PRDM2: variants seen among roughly 807,000 people sequenced by gnomAD.
PRDM2 encodes PR domain zinc finger protein 2.
In PRDM2, 30 loss-of-function variants were observed where a neutral mutation model predicts 130.0. That is an observed-to-expected ratio of 0.23 (90% confidence interval 0.17 to 0.31). The LOEUF (loss-of-function observed/expected upper bound fraction) is 0.31, where lower values mean the gene tolerates loss of function less well. Ranked by LOEUF, PRDM2 falls within the 10% of genes least tolerant of loss-of-function variation. The pLI is 1.00. For synonymous variants in PRDM2, 871 were observed against 782.4 expected (o/e 1.11, Z -1.89); for missense variants, 2,011 against 2,108.4 (o/e 0.95, Z 0.90).
At chr1:13,805,453 G>A (rs1378623656) in intron 8 of PRDM2, among the ~76,000 whole-genome samples, 2 of 152,114 alleles carry the variant, frequency 1.3e-5, no homozygotes, top group African/African-American at 4.8e-5. Context: ...AAGCACGTGG[G>A]CCTTCCCACT....
chr1:13,741,719 T>TG (rs1453893375), intron 4 of PRDM2, among the ~76,000 whole-genome samples: 10 of 131,934 alleles, frequency 7.6e-5, no homozygotes, highest in South Asian at 2.8e-4. Flanking sequence ...GCTCTTTAAG[T>TG]TTGTGTGTGT....
chr1:13,740,470 A>G (rs1465518688), intron 4 of PRDM2, among the ~76,000 whole-genome samples: 2 of 152,196 alleles, frequency 1.3e-5, no homozygotes, highest in East Asian at 3.8e-4. Flanking sequence ...CTTGGTGCCT[A>G]TGATGATTAA....
At chr1:13,814,012 T>C (rs991842621) in intron 8 of PRDM2, among the ~76,000 whole-genome samples, 12 of 152,198 alleles carry the variant, frequency 7.9e-5, no homozygotes, top group South Asian at 4.1e-4. Context: ...CTCCAAAGCT[T>C]CTGCTGGTCT....
At chr1:13,754,518 G>A (rs1332029510) in intron 6 of PRDM2, among the ~76,000 whole-genome samples, 2 of 152,182 alleles carry the variant, frequency 1.3e-5, no homozygotes, top group East Asian at 3.8e-4. Context: ...ATAATGTGGA[G>A]CTTTTTGTCC....
At chr1:13,742,475 T>TA (rs1274354916) in intron 5 of PRDM2, among the ~76,000 whole-genome samples, 15 of 152,204 alleles carry the variant, frequency 9.9e-5, no homozygotes, top group Non-Finnish European at 1.6e-4. Flanking sequence ...GTGCTGGGAT[T>TA]ACCGGCACAA....
rs1411508201 is a variant in PRDM2 at position 13,708,514 on chromosome 1, G to A, written c.-65-7027G>A. Among the ~76,000 whole-genome samples the A allele has an allele frequency of 3.9e-5, 6 of 152,106 alleles. No individual in the cohort carries two copies. The East Asian group carries it at 7.7e-4, about 20-fold the overall frequency. On this transcript the variant is annotated intron_variant, in intron 1 of 9. Transcript: ENST00000311066. Reference sequence around the variant, plus strand: ...GAAACTGTGTTATTAGTATCAGATCGTCCCACCTGGAGTAAACTCGATACA... The same window carrying A: ...GAAACTGTGTTATTAGTATCAGATCATCCCACCTGGAGTAAACTCGATACA...
At chr1:13,772,262 A>G (rs1290993431) in intron 6 of PRDM2, 1 of 152,250 alleles carries the variant, frequency 6.6e-6, no homozygotes, top group Non-Finnish European at 1.5e-5. Context: ...GTTAAATCCT[A>G]AAGAAACTGG....
At position 13,778,960 on chromosome 1, in the gene PRDM2, G is replaced by A. The variant is rs1644543281; in HGVS notation, c.1165G>A (p.Ala389Thr). 6.2e-7 allele frequency: 1 copy of A among 1,614,218 alleles called. No individual in the cohort carries two copies. The highest frequency in any genetic ancestry group is 1.1e-5 in the South Asian group (1 of 91,090). The part of the protein sequence containing the change: ...MHIHISTVNH[A>T]FKCKYCGKAF... Reference sequence around the variant, plus strand: ...TATCCATATATCCACCGTCAATCATGCTTTCAAATGCAAGTACTGTGGGAA... The same window carrying A: ...TATCCATATATCCACCGTCAATCATACTTTCAAATGCAAGTACTGTGGGAA... The change falls in exon 8 of 10, where the codon GCT becomes ACT. Residue 389 changes from alanine (A) to threonine (T), a missense_variant. Ala to Thr is a moderately conservative substitution (Grantham distance 58, BLOSUM62 0). This residue lies in a region of PRDM2 where 1,288 missense variants were observed against 1,237.7 expected (regional missense o/e 1.04). Transcript: ENST00000311066.
chr1:13,734,661 A>G (rs1375723818), intron 4 of PRDM2, among the ~76,000 whole-genome samples: 2 of 152,188 alleles, frequency 1.3e-5, no homozygotes, highest in African/African-American at 4.8e-5. Context: ...TTGTTAATGT[A>G]AGATACTTCT....
At chr1:13,711,110 G>A (rs576251476) in intron 1 of PRDM2, among the ~76,000 whole-genome samples, 3 of 151,632 alleles carry the variant, frequency 2.0e-5, no homozygotes, top group Non-Finnish European at 4.4e-5. Flanking sequence ...AGAGCATTTG[G>A]TAGAATTGCT....
chr1:13,700,539 C>T (rs1328816181), intron 1 of PRDM2, among the ~76,000 whole-genome samples: 1 of 151,196 alleles, frequency 6.6e-6, no homozygotes, highest in Non-Finnish European at 1.5e-5. Flanking sequence ...TCCTCCTTGT[C>T]GGCCGTGGGG....
chr1:13,754,679 C>T (rs1643907271), intron 6 of PRDM2, among the ~76,000 whole-genome samples: 1 of 152,252 alleles, frequency 6.6e-6, no homozygotes, highest in African/African-American at 2.4e-5. Flanking sequence ...AGCTCTGTTT[C>T]AGGCTCTAAG....
chr1:13,783,450 G>A lies in PRDM2; in HGVS notation c.5036+619G>A, dbSNP rs1644668207. Among the ~76,000 whole-genome samples the A allele has an allele frequency of 1.3e-5, 2 of 152,222 alleles. 1 individual carries two copies. The highest frequency in any genetic ancestry group is 4.1e-4 in the South Asian group (2 of 4,830). ...AGTCAGGATCTGGATGGGAAGCAGAGCAGGAGAGACATGCTTGGAACTCCA... is the reference window on the plus strand; with the variant it reads ...AGTCAGGATCTGGATGGGAAGCAGAACAGGAGAGACATGCTTGGAACTCCA... On this transcript the variant is annotated intron_variant, in intron 8 of 9. Transcript: ENST00000311066.
At chr1:13,815,573 C>T (rs538333955) in intron 8 of PRDM2, among the ~76,000 whole-genome samples, 1 of 152,254 alleles carries the variant, frequency 6.6e-6, no homozygotes, top group South Asian at 2.1e-4. Flanking sequence ...AGGAACACCC[C>T]ACCCAGGAGT....
Position 13,721,251 on chromosome 1 carries a change from A to G in PRDM2, c.9+5637A>G, listed in dbSNP as rs76980218. On this transcript the variant is annotated intron_variant, in intron 2 of 9. Transcript: ENST00000311066. The stretch of plus-strand genomic sequence containing the variant: ...ACCATCTGACCATGTAGATATGTCT[A>G]TTCATAATCTTAATTCCAAAGAGTT... Among the ~76,000 whole-genome samples the G allele has an allele frequency of 6.6e-5, 10 of 152,306 alleles. No individual in the cohort carries two copies. The East Asian group carries it at 1.7e-3, about 26-fold the overall frequency.
chr1:13,730,943 A>C lies in PRDM2; in HGVS notation c.10-57A>C, dbSNP rs537942199. 6.5e-5 allele frequency: 85 copies of C among 1,298,200 alleles called. No homozygotes were observed. In the African/African-American group the frequency reaches 8.7e-4, roughly 13 times the overall value. 80.4% of individuals were successfully genotyped at this position (1,298,200 alleles called of 1,614,324 possible). On this transcript the variant is annotated intron_variant, in intron 2 of 9. Coordinates refer to ENST00000311066, the MANE Select transcript of PRDM2 (RefSeq NM_001393986.1). ...CTTATTGAACCAGAAAAAAAAAAAA[A>C]CCCATGATTTGAGTTTTCTTTCTTT...
chr1:13,781,185 C>G lies in PRDM2; in HGVS notation c.3390C>G (p.Phe1130Leu), dbSNP rs1449859295. The G allele has an allele frequency of 6.2e-7, 1 of 1,614,196 alleles. No homozygotes were observed. Among genetic ancestry groups the G allele is most frequent in the Non-Finnish European group, 8.5e-7 (1 of 1,180,046 alleles). Residue 1130 changes from phenylalanine (F) to leucine (L), a missense_variant, in exon 8 of 10, where the codon TTC becomes TTG. Transcript: ENST00000311066. The surrounding 1 kb of genome is among the most constrained non-coding windows in gnomAD (Gnocchi z 6.1). ...AEQDVVVQETFNKNFVCNVCE... is the reference protein window; with the variant it reads ...AEQDVVVQETLNKNFVCNVCE... ...AGGATGTTGTTGTTCAGGAAACATT[C>G]AACAAAAACTTTGTTTGCAACGTCT...
intron 2 of PRDM2, among the ~76,000 whole-genome samples, chr1:13,728,113 A>G (rs776323518): frequency 2.0e-5 from 3 of 152,216 alleles, no homozygotes; most frequent in Non-Finnish European, 4.4e-5. Flanking sequence ...TAGATGACCC[A>G]GCTCTTTCAT....
At chr1:13,733,359 A>AT (rs1557606626) in intron 4 of PRDM2, among the ~76,000 whole-genome samples, 2 of 152,218 alleles carry the variant, frequency 1.3e-5, no homozygotes, top group Non-Finnish European at 2.9e-5. Context: ...GGAGTTTTTC[A>AT]TCTATTAATT....
Sources: gnomAD v4.1 joint callset for allele counts (sites outside exome capture counted in the v4.1 genomes callset) on GRCh38, gnomAD v4.1.1 for gene constraint, gnomAD v4.1.1 regional missense constraint, Gnocchi (gnomAD v3.1) non-coding constraint, MANE v1.5 for transcripts, NCBI Gene and HGNC (gene_info 2026-07-23, HGNC 2026-07-21) for gene names.